CAMK2G: variants seen among roughly 807,000 people sequenced by gnomAD.
The protein encoded by CAMK2G is calcium/calmodulin dependent protein kinase II gamma, also known as calcium/calmodulin-dependent protein kinase type II subunit gamma.
Under a neutral mutation model 88.7 loss-of-function variants are expected in CAMK2G, and 23 were observed. The ratio of observed to expected loss-of-function variants is 0.26; its 90% confidence interval spans 0.19 to 0.37. CAMK2G has a LOEUF of 0.37. Ranked by LOEUF, CAMK2G falls within the 10% of genes least tolerant of loss-of-function variation. CAMK2G has a pLI of 1.00. For missense variants in CAMK2G, 476 were observed against 780.8 expected (o/e 0.61, Z 4.65); for synonymous variants, 263 against 294.8 (o/e 0.89, Z 1.11).
At chr10:73,860,372 A>G (rs1565472071) in intron 3 of CAMK2G, among the ~76,000 whole-genome samples, 1 of 152,168 alleles carries the variant, frequency 6.6e-6, no homozygotes, top group Non-Finnish European at 1.5e-5. Context: ...GCTCTGGGGA[A>G]TACAAATGGG....
At chr10:73,872,533 C>T (rs1440295046) in intron 2 of CAMK2G, among the ~76,000 whole-genome samples, 4 of 152,346 alleles carry the variant, frequency 2.6e-5, no homozygotes, top group South Asian at 2.1e-4. Flanking sequence ...TCTGTTCTGC[C>T]GCCTGGTGGG....
chr10:73,828,685 CCTTT>C (rs1205868827), intron 14 of CAMK2G, among the ~76,000 whole-genome samples: 2 of 152,304 alleles, frequency 1.3e-5, no homozygotes, highest in East Asian at 3.9e-4. Flanking sequence ...TGTTGGCCTT[CCTTT>C]GTCAGTATAG....
intron 13 of CAMK2G, 97 bp from the exon 14 acceptor site, chr10:73,837,608 CA>C: frequency 1.1e-6 from 1 of 926,620 alleles, no homozygotes; most frequent in South Asian, 1.3e-5. Context: ...CTGTGTCTGA[CA>C]AGGGGGCCAA....
intron 5 of CAMK2G, among the ~76,000 whole-genome samples, chr10:73,851,690 C>G (rs976057692): frequency 7.5e-6 from 1 of 133,388 alleles, no homozygotes; most frequent in Non-Finnish European, 1.5e-5. Context: ...TCTGGGGTCA[C>G]AGGGTAAAGG....
At chr10:73,868,841 A>G (rs2095692847) in intron 2 of CAMK2G, among the ~76,000 whole-genome samples, 1 of 152,184 alleles carries the variant, frequency 6.6e-6, no homozygotes, top group Non-Finnish European at 1.5e-5. Flanking sequence ...ATCCCATTTC[A>G]GTCCCCAGGG....
At position 73,847,595 on chromosome 10, in the gene CAMK2G, AT is replaced by A. The variant is rs2094338823; in HGVS notation, c.697-249del. Among the ~76,000 whole-genome samples, 5 of 152,294 alleles carry A rather than the reference AT, an allele frequency of 3.3e-5. No homozygotes were observed. The South Asian group carries it at 8.3e-4, about 25-fold the overall frequency. On this transcript the variant is annotated intron_variant, in intron 9 of 22. Transcript: ENST00000423381. Reference sequence around the variant, plus strand: ...ATTAGAGCGGGAAGGGGACTCCAACATTCTCTGGTTTAAGCCCAGCTCTATA... The same window carrying A: ...ATTAGAGCGGGAAGGGGACTCCAACATCTCTGGTTTAAGCCCAGCTCTATA...
At chr10:73,824,473 G>A (rs1009381154) in intron 16 of CAMK2G, among the ~76,000 whole-genome samples, 3 of 152,218 alleles carry the variant, frequency 2.0e-5, no homozygotes, top group Admixed American at 2.0e-4. Flanking sequence ...CGTTCATCAC[G>A]GGGAATGTGT....
At chr10:73,825,141 G>A (rs551162562) in intron 16 of CAMK2G, 138 bp downstream of exon 16, 29 of 707,240 alleles carry the variant, frequency 4.1e-5, no homozygotes, top group African/African-American at 4.0e-4. Flanking sequence ...CATACAGGGC[G>A]GCACACAAAG....
chr10:73,842,646 C>A lies in CAMK2G; in HGVS notation c.820-105G>T. Reference sequence around the variant, plus strand: ...CAGGACAGGGTCATGCACTCAGCCACCCCAGAGTTGCTCTGAAGATGAAAT... The same window carrying A: ...CAGGACAGGGTCATGCACTCAGCCAACCCAGAGTTGCTCTGAAGATGAAAT... On this transcript the variant is annotated intron_variant, in intron 10 of 22. Coordinates refer to ENST00000423381, the MANE Select transcript of CAMK2G (RefSeq NM_001367534.1). The surrounding 1 kb of genome is among the most constrained non-coding windows in gnomAD (Gnocchi z 4.6). 1 of 763,492 alleles carries A rather than the reference C, an allele frequency of 1.3e-6. No individual in the cohort carries two copies. The allele number at this position is 763,492 out of a possible 1,614,324, so 47.3% of individuals were successfully genotyped here. A position where few individuals can be genotyped will look rare whatever the true frequency, so the allele number is the denominator to read the frequency against.
At chr10:73,869,589 T>C (rs1425743366) in intron 2 of CAMK2G, among the ~76,000 whole-genome samples, 2 of 152,220 alleles carry the variant, frequency 1.3e-5, no homozygotes, top group East Asian at 1.9e-4. Flanking sequence ...CATAGTCCTC[T>C]TGACCCATTC....
intron 5 of CAMK2G, among the ~76,000 whole-genome samples, chr10:73,851,190 C>A (rs1170077809): frequency 1.3e-5 from 2 of 152,248 alleles, no homozygotes; most frequent in Non-Finnish European, 2.9e-5. Flanking sequence ...TGCACTCCCC[C>A]ACTCTCCAGA....
chr10:73,853,404 G>A (rs886283687), intron 3 of CAMK2G, among the ~76,000 whole-genome samples, 158 bp from the exon 4 acceptor site: 1 of 152,224 alleles, frequency 6.6e-6, no homozygotes, highest in Non-Finnish European at 1.5e-5. Context: ...GTGCCCCCCA[G>A]TGCAAGGCTA....
chr10:73,873,907 A>G, intron 1 of CAMK2G, among the ~76,000 whole-genome samples: 1 of 84,246 alleles, frequency 1.2e-5, no homozygotes, highest in Non-Finnish European at 2.2e-5. Flanking sequence ...AGCACTGCCC[A>G]GCCGCGGGGC....
chr10:73,828,485 C>G (rs2091699675), intron 14 of CAMK2G, among the ~76,000 whole-genome samples: 1 of 152,180 alleles, frequency 6.6e-6, no homozygotes, highest in African/African-American at 2.4e-5. Context: ...TTAGCTCACC[C>G]TGTAATGTTA....
rs766170346 is a variant in CAMK2G, at chr10:73,818,911, T to C, written c.1363+621A>G. 33 of 441,568 alleles carry C rather than the reference T, an allele frequency of 7.5e-5. 2 individuals are homozygous for C. The highest frequency in any genetic ancestry group is 6.6e-4 in the Middle Eastern group (2 of 3,026). 27.4% of individuals were successfully genotyped at this position (441,568 alleles called of 1,614,324 possible). ...ACAGACGTAACTAGAAATATGAGGA[T>C]GAGCTACTGATAACCCATCGAGGCA... is the stretch of plus-strand genomic sequence containing the variant. On this transcript the variant is annotated intron_variant, in intron 19 of 22. Coordinates refer to ENST00000423381, the MANE Select transcript of CAMK2G (RefSeq NM_001367534.1).
At chr10:73,851,856 T>C (rs572862051) in intron 5 of CAMK2G, among the ~76,000 whole-genome samples, 1 of 152,100 alleles carries the variant, frequency 6.6e-6, no homozygotes, top group Admixed American at 6.5e-5. Flanking sequence ...GTGATTCTCC[T>C]GCCTCAGCCG....
intron 16 of CAMK2G, 51 bp from the exon 17 acceptor site, chr10:73,824,135 TCTTC>T: frequency 3.4e-6 from 5 of 1,481,386 alleles, no homozygotes; most frequent in Non-Finnish European, 4.7e-6. Flanking sequence ...AGACTATGGC[TCTTC>T]CCTGAGGAGC....
chr10:73,863,226 T>G (rs2095455786), intron 2 of CAMK2G, among the ~76,000 whole-genome samples: 1 of 152,172 alleles, frequency 6.6e-6, no homozygotes, highest in South Asian at 2.1e-4. Flanking sequence ...GGTCAGGCCT[T>G]CCTTCCTGTG....
At chr10:73,868,233 G>T (rs558972418) in intron 2 of CAMK2G, among the ~76,000 whole-genome samples, 8 of 152,138 alleles carry the variant, frequency 5.3e-5, no homozygotes, top group African/African-American at 1.7e-4. Flanking sequence ...GCACAGCTTC[G>T]AACAAGGGTA....
Sources: allele counts gnomAD v4.1 joint callset (sites outside exome capture counted in the v4.1 genomes callset), GRCh38; gene constraint gnomAD v4.1.1; non-coding constraint Gnocchi (gnomAD v3.1); transcripts MANE v1.5; gene names NCBI Gene and HGNC (gene_info 2026-07-23, HGNC 2026-07-21).